The following NDUFAF6 variants were observed in gnomAD, a reference collection of about 807,000 sequenced individuals.
NDUFAF6 encodes NADH:ubiquinone oxidoreductase complex assembly factor 6, also known as NADH dehydrogenase (ubiquinone) complex I, assembly factor 6.
NDUFAF6 carries 45 observed loss-of-function variants against 40.8 expected under a neutral mutation model. The ratio of observed to expected loss-of-function variants is 1.10; its 90% confidence interval spans 0.87 to 1.42. NDUFAF6 has a LOEUF of 1.42. Ranked by LOEUF, NDUFAF6 falls within the 40% of genes most tolerant of loss-of-function variation. The pLI is 0.00. For missense variants in NDUFAF6, 435 were observed against 418.5 expected, an observed-to-expected ratio of 1.04 and a Z score of -0.34; for synonymous variants, 185 against 155.9, an observed-to-expected ratio of 1.19 and a Z score of -1.39.
At chr8:94,902,749 G>T (rs1818111576) in intron 1 of NDUFAF6, among the ~76,000 whole-genome samples, 1 of 144,184 alleles carries the variant, frequency 6.9e-6, no homozygotes. Context: ...AGGCTGGAGT[G>T]CAGGGGCACT....
chr8:94,939,642 C>G, intron 1 of NDUFAF6: 1 of 575,346 alleles, frequency 1.7e-6, no homozygotes, highest in Non-Finnish European at 3.0e-6. Flanking sequence ...AAGTGATCTG[C>G]CTGCCTTGGC....
At chr8:95,083,923 T>C (rs577773036) in intron 2 of NDUFAF6, among the ~76,000 whole-genome samples, 4 of 152,288 alleles carry the variant, frequency 2.6e-5, no homozygotes, top group African/African-American at 9.6e-5. Context: ...AAGCATAATG[T>C]TTTCCCATCC....
chr8:94,928,708 C>T (rs1020124487), intron 1 of NDUFAF6: 1 of 152,212 alleles, frequency 6.6e-6, no homozygotes, highest in African/African-American at 2.4e-5. Context: ...TCTCACTACA[C>T]ATTTGACGTC....
At chr8:95,115,619 C>G (rs1810116372) in exon 5 of NDUFAF6, 1 of 151,964 alleles carries the variant, frequency 6.6e-6, no homozygotes, top group Admixed American at 6.6e-5. Flanking sequence ...CTTCTCCATT[C>G]AAACGACTGC....
chr8:95,048,441 A>T lies in NDUFAF6; in HGVS notation c.715-16A>T. The T allele has an allele frequency of 6.3e-7, 1 of 1,581,698 alleles. No individual in the cohort carries two copies. Among genetic ancestry groups the T allele is most frequent in the South Asian group, 1.1e-5 (1 of 90,438 alleles). On this transcript the variant is annotated splice_polypyrimidine_tract_variant and intron_variant, in intron 6 of 8. Transcript: ENST00000396124. The stretch of plus-strand genomic sequence containing the variant: ...TGCTTTTAGGTTCCTAATATAATGT[A>T]TATTTCCCCACACAGCATGGTGTTT...
chr8:95,045,598 T>C lies in NDUFAF6; in HGVS notation c.531T>C (p.Tyr177=). ...AYRNIKELEN[Y]AENTQSSLLY... ...GTAATATCAAGGAACTGGAAAATTA[T>C]GCTGAAAACACACAGAGCTCTCTTC... Residue 177 remains tyrosine, a synonymous_variant, in exon 5 of 9, where the codon TAT becomes TAC. Coordinates refer to ENST00000396124, the MANE Select transcript of NDUFAF6 (RefSeq NM_152416.4). 6.2e-7 allele frequency: 1 copy of C among 1,613,596 alleles called. No individual in the cohort carries two copies. Among genetic ancestry groups the C allele is most frequent in the Non-Finnish European group, 8.5e-7 (1 of 1,179,724 alleles).
In NDUFAF6 at chr8:94,906,621, A is replaced by T. The variant is rs184295185; in HGVS notation, c.-936+10694A>T. 2.1e-4 allele frequency among the ~76,000 whole-genome samples: 32 copies of T among 152,228 alleles called. No individual in the cohort carries two copies. The East Asian group carries it at 4.4e-3, about 21-fold the overall frequency. On this transcript the variant is annotated intron_variant, in intron 1 of 14. Coordinates refer to the NDUFAF6 transcript ENST00000396113. ...AGGGTCACTGTGTCAAAGAATGTTC[A>T]CCTGGGGGACCTCCCATCTGCAGCA...
At chr8:94,968,567 A>G (rs1824204906) in intron 1 of NDUFAF6, among the ~76,000 whole-genome samples, 1 of 152,162 alleles carries the variant, frequency 6.6e-6, no homozygotes, top group Admixed American at 6.5e-5. Context: ...TCACACAACC[A>G]AGGTGCCTGG....
intron 1 of NDUFAF6, among the ~76,000 whole-genome samples, chr8:94,964,360 T>C (rs1823837066): frequency 6.7e-6 from 1 of 149,396 alleles, no homozygotes; most frequent in African/African-American, 2.5e-5. Context: ...GACCAAGAGG[T>C]TGAGGCTGCT....
chr8:95,065,774 A>G (rs1832687824), intron 9 of NDUFAF6, among the ~76,000 whole-genome samples: 1 of 152,206 alleles, frequency 6.6e-6, no homozygotes, highest in Non-Finnish European at 1.5e-5. Flanking sequence ...GGGATAGAAC[A>G]TGGGATTTAT....
intron 3 of NDUFAF6, among the ~76,000 whole-genome samples, chr8:95,038,426 A>G (rs1448071027): frequency 6.6e-6 from 1 of 151,738 alleles, no homozygotes; most frequent in Non-Finnish European, 1.5e-5. Flanking sequence ...ACTGAAGTAC[A>G]GTGGCACAGT....
chr8:95,102,325 G>C (rs1195438199), intron 2 of NDUFAF6, among the ~76,000 whole-genome samples: 1 of 152,134 alleles, frequency 6.6e-6, no homozygotes, highest in Non-Finnish European at 1.5e-5. Flanking sequence ...TATTAACAGG[G>C]GGCTGGGATA....
intron 1 of NDUFAF6, among the ~76,000 whole-genome samples, chr8:94,934,586 T>G (rs1820780682): frequency 6.6e-6 from 1 of 152,048 alleles, no homozygotes; most frequent in South Asian, 2.1e-4. Flanking sequence ...TTTGCCATGT[T>G]GTCCAGGCTG....
chr8:95,044,393 T>A (rs1427700281), intron 4 of NDUFAF6: 1 of 150,076 alleles, frequency 6.7e-6, no homozygotes, highest in Non-Finnish European at 1.5e-5. Flanking sequence ...TAATTATGTC[T>A]CAAAAAAAAC....
chr8:94,979,199 C>T lies in NDUFAF6; in HGVS notation c.-198-1660C>T, dbSNP rs527411592. Among the ~76,000 whole-genome samples the T allele has an allele frequency of 9.9e-5, 15 of 152,216 alleles. No individual in the cohort carries two copies. In the East Asian group the frequency reaches 1.2e-3, roughly 12 times the overall value. ...TTATTTTTTCTCAGATGCAAATCCCCGCTTTTGTTGAGATTTTCTTTTTGA... is the reference window on the plus strand; with the variant it reads ...TTATTTTTTCTCAGATGCAAATCCCTGCTTTTGTTGAGATTTTCTTTTTGA... On this transcript the variant is annotated intron_variant, in intron 1 of 9. Transcript: ENST00000396111.
chr8:95,025,987 A>G (rs759096947), intron 1 of NDUFAF6, among the ~76,000 whole-genome samples: 85 of 152,134 alleles, frequency 5.6e-4, no homozygotes, highest in Non-Finnish European at 1.6e-4. Context: ...GCTATGTCTC[A>G]TTTGAAAGAC....
chr8:95,033,312 G>A (rs1829076237), intron 2 of NDUFAF6, among the ~76,000 whole-genome samples: 1 of 152,076 alleles, frequency 6.6e-6, no homozygotes, highest in Non-Finnish European at 1.5e-5. Flanking sequence ...CTAAAGTGCT[G>A]GGATTACAGG....
At chr8:95,088,727 GTTTTCTTTT>G (rs138874713) in intron 2 of NDUFAF6, among the ~76,000 whole-genome samples, 12,953 of 109,112 alleles carry the variant, frequency 0.12, 693 homozygotes, top group East Asian at 0.24. Flanking sequence ...GTGTGTGTGT[GTTTTCTTTT>G]TGTTTTCTTG....
chr8:94,913,292 G>C (rs1818910084), intron 1 of NDUFAF6, among the ~76,000 whole-genome samples: 1 of 152,098 alleles, frequency 6.6e-6, no homozygotes, highest in Admixed American at 6.6e-5. Context: ...TGCCCCCCAT[G>C]TCATAATGGT....
Sources: allele counts gnomAD v4.1 joint callset (sites outside exome capture counted in the v4.1 genomes callset), GRCh38; gene constraint gnomAD v4.1.1; transcripts MANE v1.5; gene names NCBI Gene and HGNC (gene_info 2026-07-23, HGNC 2026-07-21).